The following PAX8 variants were observed in gnomAD, a reference collection of about 807,000 sequenced individuals.
PAX8 encodes the protein paired box protein Pax-8.
In PAX8, 15 loss-of-function variants were observed where a neutral mutation model predicts 52.4. That is an observed-to-expected ratio of 0.29 (90% confidence interval 0.19 to 0.44). PAX8 has a LOEUF of 0.44. Ranked by LOEUF, PAX8 falls within the 20% of genes least tolerant of loss-of-function variation. PAX8 has a pLI of 1.00. For synonymous variants in PAX8, 284 were observed against 249.7 expected (o/e 1.14, Z -1.29); for missense variants, 554 against 602.5 (o/e 0.92, Z 0.84).
At chr2:113,273,541 A>C (rs554432532) in intron 2 of PAX8, 2 of 152,316 alleles carry the variant, frequency 1.3e-5, no homozygotes, top group South Asian at 4.1e-4. Context: ...GAGACTTGGG[A>C]TTTCTCACAA....
chr2:113,268,648 CAG>C (rs1360044297), intron 2 of PAX8: 2 of 152,190 alleles, frequency 1.3e-5, no homozygotes, highest in Non-Finnish European at 2.9e-5. Flanking sequence ...GCCGTACAAA[CAG>C]AGTGCTAGGA....
chr2:113,233,457 G>C (rs1296633890), intron 9 of PAX8, among the ~76,000 whole-genome samples: 1 of 151,970 alleles, frequency 6.6e-6, no homozygotes, highest in Non-Finnish European at 1.5e-5. Context: ...CAAGGTGGGC[G>C]GACCAAGGTC....
intron 2 of PAX8, among the ~76,000 whole-genome samples, chr2:113,255,032 A>G (rs575068018): frequency 6.7e-6 from 1 of 148,400 alleles, no homozygotes; most frequent in East Asian, 2.0e-4. Context: ...AGAAGGGAAG[A>G]AGGAAGGAAG....
chr2:113,244,645 A>G, intron 3 of PAX8, 21 bp from the exon 4 acceptor site: 1 of 1,610,290 alleles, frequency 6.2e-7, no homozygotes, highest in Non-Finnish European at 8.5e-7. Flanking sequence ...AGAGAATCCC[A>G]AAGAATTACC....
chr2:113,219,790 C>T (rs1446229813), intron 11 of PAX8, among the ~76,000 whole-genome samples: 1 of 152,140 alleles, frequency 6.6e-6, no homozygotes, highest in Non-Finnish European at 1.5e-5. Context: ...TCAAGTCCTC[C>T]CTTGTCCTCC....
At chr2:113,250,142 C>G (rs1477731452) in intron 2 of PAX8, among the ~76,000 whole-genome samples, 1 of 151,876 alleles carries the variant, frequency 6.6e-6, no homozygotes, top group African/African-American at 2.4e-5. Flanking sequence ...TGGCAGACGC[C>G]TGTAGTCCCA....
intron 8 of PAX8, chr2:113,235,842 A>G: frequency 2.0e-6 from 1 of 499,336 alleles, no homozygotes; most frequent in South Asian, 2.7e-5. Flanking sequence ...CTCCCACAGG[A>G]GGGAGCGCGG....
chr2:113,245,104 T>C (rs1310068944), intron 3 of PAX8, among the ~76,000 whole-genome samples: 1 of 151,518 alleles, frequency 6.6e-6, no homozygotes, highest in Non-Finnish European at 1.5e-5. Flanking sequence ...TAGAATGCAA[T>C]GGGACAAGCT....
At chr2:113,253,973 G>C (rs1691994526) in intron 2 of PAX8, among the ~76,000 whole-genome samples, 1 of 152,168 alleles carries the variant, frequency 6.6e-6, no homozygotes, top group African/African-American at 2.4e-5. Flanking sequence ...TCACCAGATA[G>C]AAAGCTCCAT....
chr2:113,242,342 C>T (rs1054344975), intron 5 of PAX8, among the ~76,000 whole-genome samples: 2 of 149,984 alleles, frequency 1.3e-5, no homozygotes, highest in Non-Finnish European at 1.5e-5. Context: ...GAGAGTGACA[C>T]CCCTCACAGT....
At chr2:113,269,816 CCTGT>C (rs1693343235) in intron 2 of PAX8, 1 of 152,214 alleles carries the variant, frequency 6.6e-6, no homozygotes. Context: ...TTCCTGCAGT[CCTGT>C]CTTAGCCGCA....
intron 8 of PAX8, chr2:113,236,262 C>G (rs1690311758): frequency 5.2e-6 from 1 of 192,046 alleles, no homozygotes; most frequent in African/African-American, 2.8e-5. Context: ...AGCTTGAGGC[C>G]CGGCCTAGGA....
chr2:113,266,917 A>G (rs752474406), intron 2 of PAX8: 12 of 152,240 alleles, frequency 7.9e-5, no homozygotes, highest in African/African-American at 2.4e-4. Context: ...AAAGTTTTAT[A>G]TAAATATTGG....
chr2:113,241,769 CTATT>C (rs749094358), intron 6 of PAX8, 43 bp from the exon 7 acceptor site: 32 of 1,603,290 alleles, frequency 2.0e-5, no homozygotes, highest in South Asian at 1.5e-4. Flanking sequence ...GGGGACCTAT[CTATT>C]CATGCTCTAG....
At chr2:113,248,730 G>A (rs1490347133) in intron 2 of PAX8, among the ~76,000 whole-genome samples, 3 of 151,876 alleles carry the variant, frequency 2.0e-5, no homozygotes, top group Non-Finnish European at 2.9e-5. Flanking sequence ...AGGCTGAGGC[G>A]GGCGGATCAC....
At chr2:113,242,903 T>C in intron 4 of PAX8, 125 bp from the exon 5 acceptor site, 1 of 731,206 alleles carries the variant, frequency 1.4e-6, no homozygotes, top group Non-Finnish European at 2.5e-6. Context: ...AACTCAACTG[T>C]CCACAGTCAA....
At chr2:113,238,542 C>T (rs1690555166) in intron 7 of PAX8, 1 of 152,364 alleles carries the variant, frequency 6.6e-6, no homozygotes, top group East Asian at 1.9e-4. Flanking sequence ...CCTATATAGT[C>T]AAATCTTTTG....
intron 10 of PAX8, chr2:113,226,946 C>A: frequency 6.8e-7 from 1 of 1,470,138 alleles, no homozygotes; most frequent in South Asian, 1.3e-5. Flanking sequence ...AAGAAGGAGG[C>A]CGAGCTGGGG....
At chr2:113,256,072 A>G (rs758104928) in intron 2 of PAX8, among the ~76,000 whole-genome samples, 2 of 152,136 alleles carry the variant, frequency 1.3e-5, no homozygotes, top group African/African-American at 4.8e-5. Flanking sequence ...GACATGATCA[A>G]TCCAGTCTTA....
Sources: gnomAD v4.1 joint callset for allele counts (sites outside exome capture counted in the v4.1 genomes callset) on GRCh38, gnomAD v4.1.1 for gene constraint, MANE v1.5 for transcripts, NCBI Gene and HGNC (gene_info 2026-07-23, HGNC 2026-07-21) for gene names.